MALRD1: variants seen among roughly 807,000 people sequenced by gnomAD.
MALRD1 encodes the protein MAM and LDL receptor class A domain containing 1.
Under a neutral mutation model 242.1 loss-of-function variants are expected in MALRD1, and 247 were observed. The observed-to-expected ratio is 1.02, with a 90% confidence interval of 0.92 to 1.13. The LOEUF is 1.13. Ranked by LOEUF, MALRD1 falls within the 50% of genes most tolerant of loss-of-function variation. The probability of loss-of-function intolerance (pLI) is 0.00; values close to 1 mark genes in which losing one functional copy is unlikely to be tolerated. For missense variants in MALRD1, 2,989 were observed against 2,533.1 expected (o/e 1.18, Z -3.86); for synonymous variants, 995 against 866.6 (o/e 1.15, Z -2.60).
chr10:19,669,451 G>A (rs1841816809), intron 36 of MALRD1, among the ~76,000 whole-genome samples: 1 of 152,166 alleles, frequency 6.6e-6, no homozygotes, highest in Non-Finnish European at 1.5e-5. Context: ...AGGTTGTTAA[G>A]GGGAAGACCC....
chr10:19,321,742 T>G (rs1244602180), intron 21 of MALRD1, among the ~76,000 whole-genome samples: 1 of 152,166 alleles, frequency 6.6e-6, no homozygotes, highest in East Asian at 1.9e-4. Flanking sequence ...TTAAACTGTA[T>G]GTTTGCACCC....
At chr10:19,708,335 TTTTTC>T (rs201285829) in intron 38 of MALRD1, among the ~76,000 whole-genome samples, 7,506 of 103,878 alleles carry the variant, frequency 0.072, 1,138 homozygotes, top group African/African-American at 0.1. Context: ...TTTCTTTTTC[TTTTTC>T]TTTTTTTTTT....
chr10:19,499,302 AT>A (rs776034408), intron 31 of MALRD1, among the ~76,000 whole-genome samples: 29 of 152,304 alleles, frequency 1.9e-4, no homozygotes, highest in South Asian at 4.1e-4. Context: ...GGATAAAAAA[AT>A]ATCTAAGATA....
At position 19,256,861 on chromosome 10, in the gene MALRD1, A is replaced by G. The variant is rs564194479; in HGVS notation, c.2992-823A>G. Among the ~76,000 whole-genome samples, 9 of 152,262 alleles carry G rather than the reference A, an allele frequency of 5.9e-5. No individual in the cohort carries two copies. In the South Asian group the frequency reaches 1.5e-3, roughly 25 times the overall value. On this transcript the variant is annotated intron_variant, in intron 18 of 39. Coordinates refer to ENST00000454679, the MANE Select transcript of MALRD1 (RefSeq NM_001142308.3). Reference sequence around the variant, plus strand: ...TGAAATGAAAACATATGTTCATATAATAATGGGAAAACATAATGTATTTTT... The same window carrying G: ...TGAAATGAAAACATATGTTCATATAGTAATGGGAAAACATAATGTATTTTT...
At chr10:19,403,154 TTA>T (rs1846942885) in intron 28 of MALRD1, among the ~76,000 whole-genome samples, 1 of 152,114 alleles carries the variant, frequency 6.6e-6, no homozygotes, top group Admixed American at 6.6e-5. Flanking sequence ...TAAAAAGAAT[TTA>T]TGTTTTCCAA....
chr10:19,255,775 G>T (rs111842340), intron 18 of MALRD1, among the ~76,000 whole-genome samples: 1 of 151,912 alleles, frequency 6.6e-6, no homozygotes, highest in Non-Finnish European at 1.5e-5. Flanking sequence ...CTGTCTTTCC[G>T]TTGGCCTTGA....
chr10:19,692,628 T>C, intron 38 of MALRD1, 74 bp downstream of exon 38: 1 of 1,225,590 alleles, frequency 8.2e-7, no homozygotes. Flanking sequence ...CCTTTGCTAT[T>C]TTTTTCTTTC....
At chr10:19,346,921 A>T (rs1844157603) in intron 24 of MALRD1, among the ~76,000 whole-genome samples, 1 of 152,158 alleles carries the variant, frequency 6.6e-6, no homozygotes, top group African/African-American at 2.4e-5. Context: ...ACATGCTAGG[A>T]TTACAGGTGT....
intron 12 of MALRD1, among the ~76,000 whole-genome samples, chr10:19,155,441 A>G (rs1160157951): frequency 2.0e-5 from 3 of 152,226 alleles, no homozygotes; most frequent in South Asian, 2.1e-4. Context: ...AAAGCTGTGG[A>G]TACGTGTTGC....
At chr10:19,196,401 C>G (rs960424704) in intron 14 of MALRD1, among the ~76,000 whole-genome samples, 1 of 152,146 alleles carries the variant, frequency 6.6e-6, no homozygotes, top group Non-Finnish European at 1.5e-5. Context: ...TCAACAGAAA[C>G]TGTTCTTATC....
At chr10:19,131,082 CTATACATA>C (rs1833084484) in intron 8 of MALRD1, among the ~76,000 whole-genome samples, 1 of 152,106 alleles carries the variant, frequency 6.6e-6, no homozygotes, top group Non-Finnish European at 1.5e-5. Flanking sequence ...TTGCTATCCT[CTATACATA>C]TGTTGCTCGC....
chr10:19,527,746 T>G (rs1834169546), intron 31 of MALRD1, among the ~76,000 whole-genome samples: 1 of 152,212 alleles, frequency 6.6e-6, no homozygotes, highest in Admixed American at 6.6e-5. Context: ...TATTCCATAC[T>G]TTCAATTAAG....
rs1185915520 is a variant in MALRD1, at chr10:19,369,402, G to A, written c.4441+17105G>A. Reference sequence around the variant, plus strand: ...TATTGAAATATATTTATATATAAATGCACACACACATTCTTCTATGGAGTA... The same window carrying A: ...TATTGAAATATATTTATATATAAATACACACACACATTCTTCTATGGAGTA... On this transcript the variant is annotated intron_variant, in intron 26 of 39. Coordinates refer to ENST00000454679, the MANE Select transcript of MALRD1 (RefSeq NM_001142308.3). Among the ~76,000 whole-genome samples the A allele has an allele frequency of 2.0e-5, 3 of 146,700 alleles. No individual in the cohort carries two copies. In the East Asian group the frequency reaches 5.9e-4, roughly 29 times the overall value.
intron 28 of MALRD1, among the ~76,000 whole-genome samples, chr10:19,432,053 A>G (rs1012348002): frequency 6.6e-6 from 1 of 152,176 alleles, no homozygotes; most frequent in African/African-American, 2.4e-5. Context: ...ATCAGCCATC[A>G]ACCACTAAGT....
Position 19,454,544 on chromosome 10 carries a change from T to C in MALRD1, c.5029+4054T>C, listed in dbSNP as rs189004372. ...TGGATAAACCCATATAAGTTGAAAATGCATTCCATACCCAATAAACCCATT... is the reference window on the plus strand; with the variant it reads ...TGGATAAACCCATATAAGTTGAAAACGCATTCCATACCCAATAAACCCATT... On this transcript the variant is annotated intron_variant, in intron 29 of 39. Coordinates refer to ENST00000454679, the MANE Select transcript of MALRD1 (RefSeq NM_001142308.3). Among the ~76,000 whole-genome samples, 3 of 150,362 alleles carry C rather than the reference T, an allele frequency of 2.0e-5. No homozygotes were observed. In the East Asian group the frequency reaches 5.8e-4, roughly 29 times the overall value.
chr10:19,234,551 A>C (rs547963805), intron 18 of MALRD1, among the ~76,000 whole-genome samples: 1 of 152,076 alleles, frequency 6.6e-6, no homozygotes, highest in African/African-American at 2.4e-5. Context: ...CCTGAAATAA[A>C]TGAAACTTAA....
intron 36 of MALRD1, among the ~76,000 whole-genome samples, chr10:19,652,722 A>G (rs935010665): frequency 1.3e-5 from 2 of 152,202 alleles, no homozygotes. Flanking sequence ...TGATTGTCAT[A>G]CATTACCTAA....
intron 36 of MALRD1, among the ~76,000 whole-genome samples, chr10:19,618,201 T>C (rs1220983736): frequency 6.6e-6 from 1 of 152,104 alleles, no homozygotes; most frequent in Non-Finnish European, 1.5e-5. Context: ...CCATGGTATA[T>C]ATGTACCACA....
intron 28 of MALRD1, among the ~76,000 whole-genome samples, chr10:19,426,728 G>A (rs1190243231): frequency 7.2e-5 from 11 of 152,092 alleles, no homozygotes; most frequent in Admixed American, 1.3e-4. Context: ...ACTTGAACCT[G>A]GGAGGTAGAG....
Sources: gnomAD v4.1 joint callset for allele counts (sites outside exome capture counted in the v4.1 genomes callset) on GRCh38, gnomAD v4.1.1 for gene constraint, MANE v1.5 for transcripts, NCBI Gene and HGNC (gene_info 2026-07-23, HGNC 2026-07-21) for gene names.